PLIN3: variants seen among roughly 807,000 people sequenced by gnomAD.
The protein encoded by PLIN3 is perilipin 3.
Under a neutral mutation model 35.9 loss-of-function variants are expected in PLIN3, and 30 were observed. That is an observed-to-expected ratio of 0.84 (90% confidence interval 0.62 to 1.13). The LOEUF is 1.13. PLIN3 is among the 50% of genes most tolerant of loss of function. PLIN3 has a pLI of 0.00. For synonymous variants in PLIN3, 261 were observed against 262.5 expected (o/e 0.99, Z 0.06); for missense variants, 603 against 596.9 (o/e 1.01, Z -0.11).
intron 7 of PLIN3, among the ~76,000 whole-genome samples, chr19:4,841,971 G>C (rs1016831110): frequency 2.0e-5 from 3 of 151,360 alleles, no homozygotes; most frequent in African/African-American, 7.3e-5. Flanking sequence ...AGCCAGGCTG[G>C]GACAGCCTGG....
In PLIN3 at chr19:4,859,758, A is replaced by AC. The variant is rs1157121198; in HGVS notation, c.265+67dup. 8.8e-6 allele frequency: 14 copies of AC among 1,592,952 alleles called. No homozygotes were observed. The Admixed American group carries it at 1.5e-4, about 17-fold the overall frequency. ...GGGGACAGGACCAAGAGCTGGGTAG[A>AC]CCCCCCTACTCCCCACCCAGGGAAA... On this transcript the variant is annotated intron_variant, in intron 3 of 7. Transcript: ENST00000221957.
intron 4 of PLIN3, among the ~76,000 whole-genome samples, chr19:4,855,930 A>AG (rs2030459896): frequency 1.1e-5 from 1 of 90,546 alleles, no homozygotes; most frequent in Non-Finnish European, 2.3e-5. Context: ...GTCTCAAAAA[A>AG]AAAAAAAAAA....
At chr19:4,851,477 A>T (rs12983389) in intron 5 of PLIN3, among the ~76,000 whole-genome samples, 94,394 of 151,800 alleles carry the variant, frequency 0.62, 29,637 homozygotes, top group South Asian at 0.68. Context: ...ATAAATAAAT[A>T]AATTAATTAA....
chr19:4,856,705 G>GTT (rs1420037223), intron 4 of PLIN3, among the ~76,000 whole-genome samples: 8 of 126,358 alleles, frequency 6.3e-5, no homozygotes, highest in African/African-American at 1.2e-4. Context: ...GAAGGAGGGT[G>GTT]TTTTTTTTTT....
chr19:4,864,098 A>AATGTGTGTGTGTGTGTGTGTGTGTGT (rs1172963843), intron 1 of PLIN3, among the ~76,000 whole-genome samples: 1 of 125,374 alleles, frequency 8.0e-6, no homozygotes, highest in African/African-American at 3.2e-5. Context: ...ACACCTGGCT[A>AATGTGTGTGTGTGTGTGTGTGTGTGT]GTGTGTGTGT....
At chr19:4,867,375 C>T (rs1261643072) in intron 1 of PLIN3, among the ~76,000 whole-genome samples, 2 of 152,224 alleles carry the variant, frequency 1.3e-5, no homozygotes, top group African/African-American at 4.8e-5. Flanking sequence ...CTCTTTCGCC[C>T]CTCAAAAGTC....
At chr19:4,846,072 A>C (rs1484032756) in intron 6 of PLIN3, among the ~76,000 whole-genome samples, 1 of 151,306 alleles carries the variant, frequency 6.6e-6, no homozygotes, top group Non-Finnish European at 1.5e-5. Context: ...AAAATAGAAA[A>C]GAAAATTAGC....
At chr19:4,861,474 G>A in intron 1 of PLIN3, 63 bp from the exon 2 acceptor site, 1 of 1,160,390 alleles carries the variant, frequency 8.6e-7, no homozygotes, top group Non-Finnish European at 1.3e-6. Flanking sequence ...GAAAGTCCAG[G>A]CCCACGCTGC....
At chr19:4,840,104 A>G (rs1037811422) in intron 7 of PLIN3, among the ~76,000 whole-genome samples, 11 of 151,178 alleles carry the variant, frequency 7.3e-5, no homozygotes, top group African/African-American at 2.7e-4. Flanking sequence ...AATAGCTAGG[A>G]CTACAGGCGC....
At chr19:4,863,027 G>T (rs2030725304) in intron 1 of PLIN3, among the ~76,000 whole-genome samples, 1 of 151,428 alleles carries the variant, frequency 6.6e-6, no homozygotes, top group Non-Finnish European at 1.5e-5. Flanking sequence ...CATGATGGTG[G>T]GCGCCTGTAA....
intron 7 of PLIN3, among the ~76,000 whole-genome samples, chr19:4,843,579 C>T (rs2029983225): frequency 6.6e-6 from 1 of 151,808 alleles, no homozygotes; most frequent in Non-Finnish European, 1.5e-5. Flanking sequence ...TGCCTGTAAT[C>T]CCAGTGCTTT....
chr19:4,860,485 G>C (rs2030639179), intron 2 of PLIN3, among the ~76,000 whole-genome samples: 1 of 152,046 alleles, frequency 6.6e-6, no homozygotes, highest in Non-Finnish European at 1.5e-5. Flanking sequence ...TTACAGGCGT[G>C]AGCCACCGCA....
At chr19:4,848,254 G>A (rs2030174200) in intron 5 of PLIN3, among the ~76,000 whole-genome samples, 1 of 152,200 alleles carries the variant, frequency 6.6e-6, no homozygotes, top group African/African-American at 2.4e-5. Context: ...AAAGTGCTGT[G>A]ATTATAGGCG....
At chr19:4,862,236 T>C (rs1361466612) in intron 1 of PLIN3, among the ~76,000 whole-genome samples, 1 of 150,932 alleles carries the variant, frequency 6.6e-6, no homozygotes, top group African/African-American at 2.4e-5. Flanking sequence ...GTTCAAGCAA[T>C]TCCCCTGCCT....
At chr19:4,864,227 A>G (rs2030773914) in intron 1 of PLIN3, among the ~76,000 whole-genome samples, 1 of 148,644 alleles carries the variant, frequency 6.7e-6, no homozygotes, top group South Asian at 2.1e-4. Context: ...ATTTCGGCTC[A>G]CTGTAACCTC....
intron 2 of PLIN3, 135 bp downstream of exon 2, chr19:4,861,194 C>T (rs1236946387): frequency 1.1e-5 from 8 of 756,836 alleles, no homozygotes; most frequent in Non-Finnish European, 1.6e-5. Flanking sequence ...CCATACCCCA[C>T]TGAGGAATAA....
Position 4,859,692 on chromosome 19 carries a change from C to T in PLIN3, c.266-20G>A, listed in dbSNP as rs201176350. The T allele has an allele frequency of 3.1e-5, 50 of 1,613,112 alleles. No individual in the cohort carries two copies. The highest frequency in any genetic ancestry group is 1.7e-4 in the Admixed American group (10 of 59,994). On this transcript the variant is annotated intron_variant, in intron 3 of 7. Transcript: ENST00000221957. ...ATGCAACTGCCAACAACAATTAAGACGCAAATGTGACTGCTGGAAGGTCAC... is the reference window on the plus strand; with the variant it reads ...ATGCAACTGCCAACAACAATTAAGATGCAAATGTGACTGCTGGAAGGTCAC...
intron 4 of PLIN3, among the ~76,000 whole-genome samples, chr19:4,855,155 CAGG>C (rs1288799930): frequency 6.8e-6 from 1 of 146,964 alleles, no homozygotes; most frequent in African/African-American, 2.5e-5. Context: ...GAGGCTGAGG[CAGG>C]AGGATCACTT....
At position 4,860,000 on chromosome 19, in the gene PLIN3, T is replaced by C. The variant is rs2030619630; in HGVS notation, c.91A>G (p.Ser31Gly). 6.2e-7 allele frequency: 1 copy of C among 1,614,008 alleles called. No individual in the cohort carries two copies. The highest frequency in any genetic ancestry group is 2.2e-5 in the East Asian group (1 of 44,884). Residue 31 changes from serine to glycine, a missense_variant, in exon 3 of 8, where the codon AGC (serine) becomes GGC (glycine). By Grantham distance (56) the Ser-to-Gly change is moderately conservative. Coordinates refer to ENST00000221957, the MANE Select transcript of PLIN3 (RefSeq NM_005817.5). ...QQPSVVDRVASMPLISSTCDM... is the reference protein window; with the variant it reads ...QQPSVVDRVAGMPLISSTCDM... ...CAGGTGGAGCTGATCAGAGGCATGC[T>C]GGCCACACGGTCCACCACACTGGGC...
Sources: gnomAD v4.1 joint callset for allele counts (sites outside exome capture counted in the v4.1 genomes callset) on GRCh38, gnomAD v4.1.1 for gene constraint, MANE v1.5 for transcripts, NCBI Gene and HGNC (gene_info 2026-07-23, HGNC 2026-07-21) for gene names.